PPARGC1A: variants seen among roughly 807,000 people sequenced by gnomAD.
The protein encoded by PPARGC1A is PPARG coactivator 1 alpha, also known as peroxisome proliferator-activated receptor gamma coactivator 1-alpha.
A neutral mutation model predicts 88.7 loss-of-function variants in PPARGC1A; 25 were observed. That is an observed-to-expected ratio of 0.28 (90% CI 0.21 to 0.39). The LOEUF (loss-of-function observed/expected upper bound fraction) is 0.39, where lower values mean the gene tolerates loss of function less well. Ranked by LOEUF, PPARGC1A falls within the 10% of genes least tolerant of loss-of-function variation. The pLI is 1.00. For synonymous variants in PPARGC1A, 363 were observed against 355.6 expected (o/e 1.02, Z -0.24); for missense variants, 880 against 968.7 (o/e 0.91, Z 1.22).
chr4:23,945,824 A>G, the PPARGC1A span, among the ~76,000 whole-genome samples: 1 of 152,186 alleles, frequency 6.6e-6, no homozygotes, highest in Admixed American at 6.5e-5. Context: ...CGTTGCAAGG[A>G]AAGAGGAACA....
the PPARGC1A span, among the ~76,000 whole-genome samples, chr4:24,158,193 A>G: frequency 6.6e-6 from 1 of 151,844 alleles, no homozygotes; most frequent in African/African-American, 2.4e-5. Context: ...CTCCCCTCCC[A>G]TCATTCAGGT....
At chr4:24,422,246 C>G in the PPARGC1A span, among the ~76,000 whole-genome samples, 2 of 152,136 alleles carry the variant, frequency 1.3e-5, no homozygotes, top group Admixed American at 6.5e-5. Flanking sequence ...GCTCATGAAG[C>G]CTATAATATT....
the PPARGC1A span, among the ~76,000 whole-genome samples, chr4:23,961,741 G>A: frequency 1.3e-5 from 2 of 151,690 alleles, no homozygotes; most frequent in Admixed American, 6.6e-5. Flanking sequence ...TGTGGTAATT[G>A]GGACAGGTAT....
At chr4:24,346,903 A>G in the PPARGC1A span, among the ~76,000 whole-genome samples, 1 of 152,074 alleles carries the variant, frequency 6.6e-6, no homozygotes, top group South Asian at 2.1e-4. Flanking sequence ...TGATGTAGCT[A>G]TTTAGGGCTA....
At chr4:24,219,275 C>A in the PPARGC1A span, among the ~76,000 whole-genome samples, 1 of 152,206 alleles carries the variant, frequency 6.6e-6, no homozygotes, top group East Asian at 1.9e-4. Flanking sequence ...GGGCCAGCAG[C>A]GTGCTTTGAA....
chr4:23,966,935 A>G, the PPARGC1A span, among the ~76,000 whole-genome samples: 2 of 152,184 alleles, frequency 1.3e-5, no homozygotes, highest in Admixed American at 6.5e-5. Flanking sequence ...GTGTGAGGCC[A>G]TGCATCTCCC....
chr4:24,274,720 G>A, the PPARGC1A span, among the ~76,000 whole-genome samples: 1 of 152,178 alleles, frequency 6.6e-6, no homozygotes, highest in Non-Finnish European at 1.5e-5. Context: ...GGTTTAGGGA[G>A]ATGAAAGAGA....
the PPARGC1A span, among the ~76,000 whole-genome samples, chr4:24,042,748 A>T: frequency 6.6e-6 from 1 of 152,228 alleles, no homozygotes; most frequent in South Asian, 2.1e-4. Context: ...ATCATGATAT[A>T]GTGTATATAA....
In PPARGC1A at chr4:23,814,504, G is replaced by A; in HGVS notation, c.979C>T (p.Pro327Ser). The part of the protein sequence containing the change: ...KSSCKTVVPP[P>S]SKKPRYSESS... ...TCACTGTACCTGGGCTTCTTTGATG[G>A]TGGTGGCACCACAGTCTTGCAAGAG... Residue 327 changes from proline (P) to serine (S), a missense_variant, in exon 8 of 13, where the codon CCA becomes TCA. Transcript: ENST00000264867. 1 of 1,613,512 alleles carries A rather than the reference G, an allele frequency of 6.2e-7. No homozygotes were observed. The highest frequency in any genetic ancestry group is 8.5e-7 in the Non-Finnish European group (1 of 1,179,858).
the PPARGC1A span, among the ~76,000 whole-genome samples, chr4:24,125,419 G>A: frequency 6.6e-6 from 1 of 152,028 alleles, no homozygotes; most frequent in South Asian, 2.1e-4. Flanking sequence ...ACCTGGAGCT[G>A]TAGACCCCTA....
the PPARGC1A span, among the ~76,000 whole-genome samples, chr4:24,379,691 A>G: frequency 6.6e-6 from 1 of 152,062 alleles, no homozygotes; most frequent in East Asian, 1.9e-4. Context: ...ATAATTATCT[A>G]TAAACATTTA....
At chr4:24,120,066 G>A in the PPARGC1A span, among the ~76,000 whole-genome samples, 2 of 152,170 alleles carry the variant, frequency 1.3e-5, no homozygotes, top group Non-Finnish European at 2.9e-5. Flanking sequence ...AAATGCCTGT[G>A]ATGTACAAGC....
chr4:24,387,766 G>GAGAAAGAAAGAAAGAA, the PPARGC1A span, among the ~76,000 whole-genome samples: 10 of 52,070 alleles, frequency 1.9e-4, no homozygotes, highest in East Asian at 5.2e-4. Context: ...GAGAGAGAGA[G>GAGAAAGAAAGAAAGAA]AGAAAGAAAG....
intron 2 of PPARGC1A, among the ~76,000 whole-genome samples, chr4:23,834,341 T>C (rs1479445227): frequency 2.0e-5 from 3 of 151,180 alleles, no homozygotes; most frequent in African/African-American, 7.3e-5. Context: ...ATATATAAAT[T>C]AGCTGGGTGT....
the PPARGC1A span, among the ~76,000 whole-genome samples, chr4:23,927,994 G>A: frequency 2.0e-4 from 31 of 152,200 alleles, no homozygotes; most frequent in African/African-American, 7.0e-4. Context: ...CCAAAAGCAG[G>A]AGCCACACTG....
the PPARGC1A span, among the ~76,000 whole-genome samples, chr4:24,134,334 A>G: frequency 6.6e-6 from 1 of 152,260 alleles, no homozygotes; most frequent in Non-Finnish European, 1.5e-5. Context: ...ATGTTCCTAA[A>G]CTTATTCCTT....
chr4:23,954,965 T>G, the PPARGC1A span, among the ~76,000 whole-genome samples: 1 of 152,038 alleles, frequency 6.6e-6, no homozygotes, highest in African/African-American at 2.4e-5. Context: ...TGGGTATCAG[T>G]ATTTGTAGAA....
chr4:24,076,338 C>G, the PPARGC1A span, among the ~76,000 whole-genome samples: 31 of 152,276 alleles, frequency 2.0e-4, 1 homozygote, highest in African/African-American at 5.5e-4. Context: ...TAACCCAGAT[C>G]CACATCAACA....
At chr4:24,350,558 G>A in the PPARGC1A span, among the ~76,000 whole-genome samples, 10 of 152,162 alleles carry the variant, frequency 6.6e-5, no homozygotes, top group East Asian at 1.9e-4. Context: ...CCTACTGAAC[G>A]CATAAAACTG....
Sources: gnomAD v4.1 joint callset for allele counts (sites outside exome capture counted in the v4.1 genomes callset) on GRCh38, gnomAD v4.1.1 for gene constraint, MANE v1.5 for transcripts, NCBI Gene and HGNC (gene_info 2026-07-23, HGNC 2026-07-21) for gene names.